The following BCAS3 variants were observed in gnomAD, a reference collection of about 807,000 sequenced individuals.
BCAS3 encodes BCAS4/BCAS3 fusion.
BCAS3 carries 53 observed loss-of-function variants against 116.1 expected under a neutral mutation model. The ratio of observed to expected loss-of-function variants is 0.46; its 90% CI spans 0.37 to 0.57. The LOEUF (loss-of-function observed/expected upper bound fraction) is 0.57, where lower values mean the gene tolerates loss of function less well. Among genes scored for constraint, BCAS3 ranks in the 20% least tolerant of loss-of-function variants. The pLI is 0.00. For synonymous variants in BCAS3, 391 were observed against 408.2 expected, an observed-to-expected ratio of 0.96 and a Z score of 0.51; for missense variants, 917 against 1,165.4, an observed-to-expected ratio of 0.79 and a Z score of 3.10.
intron 12 of BCAS3, among the ~76,000 whole-genome samples, chr17:60,911,377 A>C (rs9911686): frequency 0.31 from 47,232 of 151,790 alleles, 12,416 homozygotes; most frequent in African/African-American, 0.72. Context: ...TGGCTCACTG[A>C]AACCTCCACC....
rs1217024844 is a variant in BCAS3 at position 61,082,106 on chromosome 17, A to G, written c.2328-2361A>G. On this transcript the variant is annotated intron_variant, in intron 21 of 23. Coordinates refer to ENST00000407086, the MANE Select transcript of BCAS3 (RefSeq NM_017679.5). The surrounding 1 kb of genome is among the most constrained non-coding windows in gnomAD (Gnocchi z 5.1). ...GAGCAGGTGTTTAAAAAGAATGGGC[A>G]ATGAAATATTTGCTAACAGACCTGA... 6.6e-6 allele frequency among the ~76,000 whole-genome samples: 1 copy of G among 152,240 alleles called. No homozygotes were observed. The highest frequency in any genetic ancestry group is 6.5e-5 in the Admixed American group (1 of 15,280).
intron 7 of BCAS3, among the ~76,000 whole-genome samples, chr17:60,831,201 C>T (rs2050889354): frequency 6.6e-6 from 1 of 150,904 alleles, no homozygotes; most frequent in Non-Finnish European, 1.5e-5. Context: ...TTTTGAGACC[C>T]AGCCTCATTC....
At chr17:61,191,843 C>T (rs564123789) in intron 22 of BCAS3, among the ~76,000 whole-genome samples, 42 of 149,642 alleles carry the variant, frequency 2.8e-4, no homozygotes, top group African/African-American at 9.8e-4. Flanking sequence ...AAATAATAGA[C>T]ATTGAAATGT....
chr17:61,141,587 C>G lies in BCAS3; in HGVS notation c.2425+57023C>G, dbSNP rs150392111. The stretch of plus-strand genomic sequence containing the variant: ...AATAAAATAAAAGTTGAATCACCCA[C>G]GTTTTAGATTATGAGCTTATTAAAA... On this transcript the variant is annotated intron_variant, in intron 22 of 23. Coordinates refer to ENST00000407086, the MANE Select transcript of BCAS3 (RefSeq NM_017679.5). This position sits in a 1 kb window ranked among gnomAD's most constrained non-coding sequence, Gnocchi z 4.3. Among the ~76,000 whole-genome samples the G allele has an allele frequency of 3.2e-3, 484 of 151,774 alleles. 3 individuals are homozygous for G. Among genetic ancestry groups the G allele is most frequent in the African/African-American group, 0.011 (467 of 41,374 alleles).
chr17:60,823,352 C>T (rs1343844696), intron 7 of BCAS3, among the ~76,000 whole-genome samples: 3 of 151,930 alleles, frequency 2.0e-5, no homozygotes, highest in African/African-American at 4.8e-5. Context: ...GGTGCAGATA[C>T]AAGGGAAGCA....
chr17:60,740,498 CAA>C (rs774901641), intron 5 of BCAS3, among the ~76,000 whole-genome samples: 15 of 58,328 alleles, frequency 2.6e-4, no homozygotes, highest in Non-Finnish European at 3.9e-4. Context: ...GACCCTGTCT[CAA>C]AAAAAAAAAA....
chr17:60,968,987 A>G (rs867349720), intron 14 of BCAS3, among the ~76,000 whole-genome samples: 1 of 142,224 alleles, frequency 7.0e-6, no homozygotes. Flanking sequence ...CAGTATAGTC[A>G]CCATGAGTTG....
rs1344884587 is a variant in BCAS3 at position 61,309,964 on chromosome 17, G to A, written c.2426-58363G>A. ...AGCAGTTTTCCTTTGAAAAACTACAGCATTTAGGCTACCAGGTTGTGTTTC... is the reference window on the plus strand; with the variant it reads ...AGCAGTTTTCCTTTGAAAAACTACAACATTTAGGCTACCAGGTTGTGTTTC... On this transcript the variant is annotated intron_variant, in intron 22 of 23. Transcript: ENST00000407086. The surrounding 1 kb of genome is among the most constrained non-coding windows in gnomAD (Gnocchi z 4.6). Among the ~76,000 whole-genome samples the A allele has an allele frequency of 6.6e-6, 1 of 152,222 alleles. No homozygotes were observed. Among genetic ancestry groups the A allele is most frequent in the African/African-American group, 2.4e-5 (1 of 41,466 alleles).
intron 22 of BCAS3, among the ~76,000 whole-genome samples, chr17:61,103,986 GAC>G (rs1212009622): frequency 1.3e-5 from 2 of 152,152 alleles, no homozygotes; most frequent in East Asian, 3.8e-4. Context: ...CTCCAAGTAT[GAC>G]ATTAGTGGTT....
intron 22 of BCAS3, among the ~76,000 whole-genome samples, chr17:61,230,527 C>T (rs1450926008): frequency 6.6e-6 from 1 of 152,156 alleles, no homozygotes; most frequent in Non-Finnish European, 1.5e-5. Flanking sequence ...CAATGTTTCA[C>T]TCCCACTTAA....
rs1408971359 is a variant in BCAS3, at chr17:61,295,776, C to T, written c.2426-72551C>T. ...GACCAGCCTGACCAACATGGTGAAA[C>T]CCCCGTCTCTACTAAAAAAAAAAAA... On this transcript the variant is annotated intron_variant, in intron 22 of 23. Transcript: ENST00000407086. 2.0e-5 allele frequency among the ~76,000 whole-genome samples: 3 copies of T among 150,846 alleles called. No individual in the cohort carries two copies. In the South Asian group the frequency reaches 6.3e-4, roughly 32 times the overall value.
intron 14 of BCAS3, among the ~76,000 whole-genome samples, chr17:60,950,143 T>A (rs1244044472): frequency 6.6e-6 from 1 of 151,996 alleles, no homozygotes; most frequent in Non-Finnish European, 1.5e-5. Context: ...TTATTAGATA[T>A]TATATAGATA....
At chr17:61,070,366 A>AATACAT in intron 19 of BCAS3, 1 of 311,128 alleles carries the variant, frequency 3.2e-6, no homozygotes, top group Non-Finnish European at 6.5e-6. Context: ...CCTAATTCTG[A>AATACAT]ATATATATAT....
At chr17:60,717,481 G>A (rs1166435080) in intron 5 of BCAS3, among the ~76,000 whole-genome samples, 1 of 152,092 alleles carries the variant, frequency 6.6e-6, no homozygotes, top group African/African-American at 2.4e-5. Context: ...CTCCCAAAGT[G>A]CTGGGATTAC....
At chr17:60,783,472 T>C (rs1413928070) in intron 6 of BCAS3, among the ~76,000 whole-genome samples, 1 of 152,172 alleles carries the variant, frequency 6.6e-6, no homozygotes, top group Non-Finnish European at 1.5e-5. Flanking sequence ...CCCAAACTGC[T>C]GGGATTATAG....
intron 22 of BCAS3, among the ~76,000 whole-genome samples, chr17:61,247,972 C>G (rs2048104520): frequency 6.6e-6 from 1 of 152,200 alleles, no homozygotes; most frequent in African/African-American, 2.4e-5. Flanking sequence ...GAAAGGCTGT[C>G]ACATTGGAAC....
intron 22 of BCAS3, among the ~76,000 whole-genome samples, chr17:61,221,066 C>A (rs879305514): frequency 6.6e-6 from 1 of 152,202 alleles, no homozygotes; most frequent in Non-Finnish European, 1.5e-5. Flanking sequence ...CACCACTGCA[C>A]TCCAGCCTGG....
chr17:61,069,908 C>T, intron 19 of BCAS3: 1 of 1,438,588 alleles, frequency 7.0e-7, no homozygotes, highest in Non-Finnish European at 9.7e-7. Context: ...CCTGCCCCTC[C>T]TAAAGCCGAA....
intron 22 of BCAS3, among the ~76,000 whole-genome samples, chr17:61,166,705 T>C (rs2078527673): frequency 6.6e-6 from 1 of 151,972 alleles, no homozygotes; most frequent in Admixed American, 6.6e-5. Flanking sequence ...TCCTGAACTT[T>C]TTATTATTTT....
Sources: allele counts gnomAD v4.1 joint callset (sites outside exome capture counted in the v4.1 genomes callset), GRCh38; gene constraint gnomAD v4.1.1; non-coding constraint Gnocchi (gnomAD v3.1); transcripts MANE v1.5; gene names NCBI Gene and HGNC (gene_info 2026-07-23, HGNC 2026-07-21).